FTO: variants seen among roughly 807,000 people sequenced by gnomAD.
The protein encoded by FTO is alpha-ketoglutarate-dependent dioxygenase FTO.
FTO carries 47 observed loss-of-function variants against 63.9 expected under a neutral mutation model. The observed-to-expected ratio is 0.74, with a 90% CI of 0.58 to 0.94. The LOEUF is 0.94. Ranked by LOEUF, FTO falls within the 40% of genes least tolerant of loss-of-function variation. The pLI is 0.00. For synonymous variants in FTO, 207 were observed against 224.4 expected (o/e 0.92, Z 0.69); for missense variants, 562 against 618.1 (o/e 0.91, Z 0.96).
At chr16:53,797,965 A>G (rs926033452) in intron 1 of FTO, among the ~76,000 whole-genome samples, 19 of 152,066 alleles carry the variant, frequency 1.2e-4, no homozygotes, top group African/African-American at 4.3e-4. Flanking sequence ...TAGGTTTTAT[A>G]TTGATGTATT....
intron 1 of FTO, among the ~76,000 whole-genome samples, chr16:53,804,796 G>C (rs1598707315): frequency 6.6e-6 from 1 of 151,802 alleles, no homozygotes; most frequent in African/African-American, 2.4e-5. Context: ...TTGTATTTTT[G>C]GTAGAGACGG....
At chr16:53,896,153 C>T (rs2081274763) in intron 7 of FTO, among the ~76,000 whole-genome samples, 1 of 152,098 alleles carries the variant, frequency 6.6e-6, no homozygotes, top group South Asian at 2.1e-4. Context: ...CTATTTTAGC[C>T]TTGGCTGCTA....
chr16:54,063,382 G>A (rs1416312196), intron 8 of FTO, among the ~76,000 whole-genome samples: 1 of 152,190 alleles, frequency 6.6e-6, no homozygotes, highest in Non-Finnish European at 1.5e-5. Context: ...GAAATTCCAA[G>A]GGAATTGTTT....
At chr16:53,937,834 G>GTACA (rs1379199675) in intron 8 of FTO, 1 of 152,150 alleles carries the variant, frequency 6.6e-6, no homozygotes, top group Non-Finnish European at 1.5e-5. Flanking sequence ...CAAAGAAAAG[G>GTACA]TACAGTTCAA....
intron 8 of FTO, among the ~76,000 whole-genome samples, chr16:54,001,776 G>A (rs1322134959): frequency 1.3e-5 from 2 of 152,144 alleles, no homozygotes; most frequent in Non-Finnish European, 2.9e-5. Context: ...TTGGAAATGG[G>A]ACAGCCTATT....
rs185914513 is a variant in FTO, at chr16:53,969,349, A to G, written c.1364+35240A>G. Among the ~76,000 whole-genome samples the G allele has an allele frequency of 1.9e-3, 297 of 152,326 alleles. 2 individuals carry two copies. The highest frequency in any genetic ancestry group is 6.9e-3 in the African/African-American group (288 of 41,554). ...CAAGCCTTAGGAAACAGGTAAGGAC[A>G]TTCGGCCCAGAGCCCTGATGTTTAC... On this transcript the variant is annotated intron_variant, in intron 8 of 8. Coordinates refer to ENST00000471389, the MANE Select transcript of FTO (RefSeq NM_001080432.3).
chr16:54,011,394 G>A (rs2084330812), intron 8 of FTO, among the ~76,000 whole-genome samples: 1 of 152,144 alleles, frequency 6.6e-6, no homozygotes, highest in South Asian at 2.1e-4. Context: ...GATTTACCTG[G>A]TGAGTCACAG....
chr16:54,005,638 A>T (rs891914213), intron 8 of FTO, among the ~76,000 whole-genome samples: 3 of 152,174 alleles, frequency 2.0e-5, no homozygotes, highest in Non-Finnish European at 2.9e-5. Flanking sequence ...TTACCCAACT[A>T]GCTCTCATTC....
chr16:54,010,573 TA>T (rs5816916), intron 8 of FTO, among the ~76,000 whole-genome samples: 1 of 150,832 alleles, frequency 6.6e-6, no homozygotes. Flanking sequence ...TCAGTCCTGT[TA>T]AAAAAAAAAT....
intron 2 of FTO, among the ~76,000 whole-genome samples, chr16:53,824,744 G>T (rs1014408627): frequency 6.6e-6 from 1 of 152,218 alleles, no homozygotes; most frequent in Admixed American, 6.5e-5. Context: ...AGGTTAATGT[G>T]TTGATCATGT....
chr16:54,109,370 G>T (rs1039876756), intron 8 of FTO, among the ~76,000 whole-genome samples: 2 of 152,128 alleles, frequency 1.3e-5, no homozygotes, highest in Admixed American at 6.5e-5. Context: ...TTGCTCTGTT[G>T]CCCAGGCTGG....
chr16:54,027,420 C>A (rs1260704445), intron 8 of FTO, among the ~76,000 whole-genome samples: 1 of 152,146 alleles, frequency 6.6e-6, no homozygotes, highest in African/African-American at 2.4e-5. Context: ...CTTTAGCATA[C>A]ATCACATCGA....
At chr16:53,753,610 G>C (rs188723884) in intron 1 of FTO, among the ~76,000 whole-genome samples, 2 of 151,896 alleles carry the variant, frequency 1.3e-5, no homozygotes, top group African/African-American at 4.8e-5. Flanking sequence ...CCTAATTATT[G>C]CAAATCCTCT....
In FTO at chr16:53,758,417, G is replaced by A. The variant is rs140909258; in HGVS notation, c.46-51723G>A. Among the ~76,000 whole-genome samples the A allele has an allele frequency of 3.6e-3, 551 of 152,286 alleles. 4 individuals carry two copies. The highest frequency in any genetic ancestry group is 4.4e-3 in the Non-Finnish European group (298 of 68,024). On this transcript the variant is annotated intron_variant, in intron 1 of 8. Transcript: ENST00000471389. ...TTTTGTGACCTCTGTTGTTTGGGGA[G>A]GTTATGTAACCATTGTAACCAGGGA...
chr16:53,800,667 TATATGTTTA>T (rs1164417145), intron 1 of FTO, among the ~76,000 whole-genome samples: 1 of 152,178 alleles, frequency 6.6e-6, no homozygotes, highest in African/African-American at 2.4e-5. Flanking sequence ...ATTAGGTGTA[TATATGTTTA>T]AGATTTTTAT....
intron 8 of FTO, among the ~76,000 whole-genome samples, chr16:54,083,373 A>G (rs1209938361): frequency 1.3e-5 from 2 of 152,176 alleles, no homozygotes; most frequent in African/African-American, 4.8e-5. Flanking sequence ...TTTGCAAGCA[A>G]AATCTCTGAT....
chr16:53,864,149 A>G (rs960769823), intron 4 of FTO, among the ~76,000 whole-genome samples: 1 of 152,176 alleles, frequency 6.6e-6, no homozygotes, highest in African/African-American at 2.4e-5. Flanking sequence ...CATAAATATT[A>G]AGATTGAGAG....
intron 1 of FTO, among the ~76,000 whole-genome samples, chr16:53,798,608 G>A (rs897357759): frequency 6.6e-6 from 1 of 152,118 alleles, no homozygotes; most frequent in Non-Finnish European, 1.5e-5. Flanking sequence ...TATTGATATT[G>A]CAGTGTAGCT....
rs564641904 is a variant in FTO, at chr16:54,115,623, CAAGGAAGGAA to C, written c.*3713_*3722del. On this transcript the variant is annotated 3_prime_UTR_variant, in exon 9 of 9. Coordinates refer to ENST00000471389, the MANE Select transcript of FTO (RefSeq NM_001080432.3). ...CAGGAGAGCCTTGGGAGGGGGTGCC[CAAGGAAGGAA>C]AAGGGCCCTGAGCCTGAAGCCGAGA... The C allele has an allele frequency of 6.6e-6, 1 of 151,840 alleles. No individual in the cohort carries two copies. Among genetic ancestry groups the C allele is most frequent in the African/African-American group, 2.4e-5 (1 of 41,300 alleles). The allele number at this position is 151,840 out of a possible 1,614,324, so 9.4% of individuals were successfully genotyped here. A position where few individuals can be genotyped will look rare whatever the true frequency, so the allele number is the denominator to read the frequency against.
Sources: allele counts gnomAD v4.1 joint callset (sites outside exome capture counted in the v4.1 genomes callset), GRCh38; gene constraint gnomAD v4.1.1; transcripts MANE v1.5; gene names NCBI Gene and HGNC (gene_info 2026-07-23, HGNC 2026-07-21).